The following HEXD variants were observed in gnomAD, a reference collection of about 807,000 sequenced individuals.
HEXD encodes the protein hexosaminidase D, also known as N-acetyl-beta-galactosaminidase.
A neutral mutation model predicts 54.2 loss-of-function variants in HEXD; 47 were observed. That is an observed-to-expected ratio of 0.87 (90% confidence interval 0.69 to 1.11). The LOEUF is 1.11. Among genes scored for constraint, HEXD ranks in the 50% least tolerant of loss-of-function variants. The pLI is 0.00. For synonymous variants in HEXD, 293 were observed against 287.6 expected, an observed-to-expected ratio of 1.02 and a Z score of -0.19; for missense variants, 576 against 649.2, an observed-to-expected ratio of 0.89 and a Z score of 1.23.
At chr17:82,438,075 A>G (rs2053823853) in intron 8 of HEXD, among the ~76,000 whole-genome samples, 1 of 152,048 alleles carries the variant, frequency 6.6e-6, no homozygotes, top group Non-Finnish European at 1.5e-5. Flanking sequence ...CATCTCTACT[A>G]AAGACACAAA....
chr17:82,431,843 AT>A (rs2053585406), intron 4 of HEXD, among the ~76,000 whole-genome samples: 1 of 152,148 alleles, frequency 6.6e-6, no homozygotes, highest in Non-Finnish European at 1.5e-5. Flanking sequence ...ACATCTCAAA[AT>A]TTTTGGTTGA....
intron 2 of HEXD, among the ~76,000 whole-genome samples, chr17:82,420,640 T>A (rs919698802): frequency 2.0e-5 from 3 of 152,204 alleles, no homozygotes; most frequent in African/African-American, 7.2e-5. Flanking sequence ...CAGTCTCGGC[T>A]TACTGCAACC....
rs1423789267 is a variant in HEXD, at chr17:82,425,122, GAGGCCAGAGA to G, written c.194+624_194+633del. Among the ~76,000 whole-genome samples the G allele has an allele frequency of 1.6e-4, 18 of 113,218 alleles. 1 individual carries two copies. In the South Asian group the frequency reaches 4.2e-3, roughly 27 times the overall value. 74.3% of individuals were successfully genotyped at this position (113,218 alleles called of 152,430 possible). On this transcript the variant is annotated intron_variant, in intron 3 of 12. Coordinates refer to ENST00000327949, the MANE Select transcript of HEXD (RefSeq NM_001330542.2). ...TAGAGAAGGCCGGAGGAGGCTGGAG[GAGGCCAGAGA>G]AGGCTGGAGAAGGCTGGAGGAGGCT...
intron 3 of HEXD, chr17:82,426,218 C>T (rs575461153): frequency 1.5e-4 from 23 of 152,420 alleles, no homozygotes; most frequent in African/African-American, 5.5e-4. Flanking sequence ...AGTAGGGCTT[C>T]TGCCTGGGAA....
intron 2 of HEXD, among the ~76,000 whole-genome samples, chr17:82,420,660 C>T (rs1189501242): frequency 3.9e-5 from 6 of 152,192 alleles, no homozygotes; most frequent in African/African-American, 9.7e-5. Flanking sequence ...CTCCACCTCC[C>T]GGGTTCAAGC....
At chr17:82,437,023 A>G (rs1233254517) in intron 7 of HEXD, 145 bp from the exon 8 acceptor site, 13 of 762,848 alleles carry the variant, frequency 1.7e-5, no homozygotes, top group South Asian at 1.7e-5. Context: ...GGCCGCATAC[A>G]CTCTGGAGTC....
Position 82,429,215 on chromosome 17 carries a change from G to A in HEXD, c.282+570G>A, listed in dbSNP as rs142734397. On this transcript the variant is annotated intron_variant, in intron 4 of 12. Transcript: ENST00000327949. Reference sequence around the variant, plus strand: ...GCAGAGGTTGCCATGAGCCAAGATCGCACCACTGCACTCCAGCCTGGGTGA... The same window carrying A: ...GCAGAGGTTGCCATGAGCCAAGATCACACCACTGCACTCCAGCCTGGGTGA... Among the ~76,000 whole-genome samples, 326 of 152,144 alleles carry A rather than the reference G, an allele frequency of 2.1e-3. 4 individuals carry two copies. The highest frequency in any genetic ancestry group is 4.6e-3 in the East Asian group (24 of 5,176).
chr17:82,440,085 C>T (rs1383309429), intron 9 of HEXD: 1 of 1,299,756 alleles, frequency 7.7e-7, no homozygotes, highest in Admixed American at 2.3e-5. Flanking sequence ...CTGGAAGGCC[C>T]CGCACCCTGG....
chr17:82,440,283 C>A, intron 9 of HEXD: 1 of 1,281,744 alleles, frequency 7.8e-7, no homozygotes, highest in South Asian at 1.2e-5. Context: ...GGCCGAGACG[C>A]GCGGAGAGCG....
In HEXD at chr17:82,442,251, T is replaced by C; in HGVS notation, c.1328T>C (p.Val443Ala). The change falls in exon 13 of 13, where the codon GTG becomes GCG. Residue 443 changes from valine to alanine, a missense_variant. Val to Ala is a moderately conservative substitution (Grantham distance 64). Transcript: ENST00000327949. The surrounding 1 kb of genome is among the most constrained non-coding windows in gnomAD (Gnocchi z 6.8). ...CAGCTGGCTTTCTACCCGGATGCCG[T>C]GGAGGAGTGGCTGGAGGAAAACGTG... Reference protein sequence around the residue: ...ALQLAFYPDAVEEWLEENVHP... With the variant: ...ALQLAFYPDAAEEWLEENVHP... 1 of 1,606,542 alleles carries C rather than the reference T, an allele frequency of 6.2e-7. No individual in the cohort carries two copies. Among genetic ancestry groups the C allele is most frequent in the Non-Finnish European group, 8.5e-7 (1 of 1,179,896 alleles).
In HEXD at chr17:82,418,408, C is replaced by T; in HGVS notation, c.-384C>T. Reference sequence around the variant, plus strand: ...GCGCGCGCCCTTCCCCTCCTCACCGCTACCTGCTCCGGTTCCGGCGCTCGG... The same window carrying T: ...GCGCGCGCCCTTCCCCTCCTCACCGTTACCTGCTCCGGTTCCGGCGCTCGG... On this transcript the variant is annotated 5_prime_UTR_variant, in exon 1 of 13. Coordinates refer to ENST00000327949, the MANE Select transcript of HEXD (RefSeq NM_001330542.2). 6.8e-7 allele frequency: 1 copy of T among 1,478,430 alleles called. No homozygotes were observed. Among genetic ancestry groups the T allele is most frequent in the East Asian group, 3.0e-5 (1 of 33,700 alleles). 91.6% of individuals were successfully genotyped at this position (1,478,430 alleles called of 1,614,324 possible). A position where few individuals can be genotyped will look rare whatever the true frequency, so the allele number is the denominator to read the frequency against.
At chr17:82,439,944 C>A in intron 9 of HEXD, 1 of 1,507,640 alleles carries the variant, frequency 6.6e-7, no homozygotes, top group East Asian at 2.6e-5. Context: ...GAGAGTGACG[C>A]GGGAGGCACC....
Position 82,436,674 on chromosome 17 carries a change from G to T in HEXD, c.639G>T (p.Gly213=). The change falls in exon 7 of 13, where the codon GGG becomes GGT. Residue 213 remains glycine (G), a synonymous_variant. Coordinates refer to ENST00000327949, the MANE Select transcript of HEXD (RefSeq NM_001330542.2). The stretch of plus-strand genomic sequence containing the variant: ...CGTCCGCTCTGTCTGCAGCGTCCGG[G>T]GTGCCGCAGCTGGTGGAGCCGGTGC... ...DLPEDQLAAS[G]VPQLVEPVLW... 1.2e-6 allele frequency: 2 copies of T among 1,610,736 alleles called. No individual in the cohort carries two copies.
At chr17:82,422,177 A>AG (rs2053255060) in intron 2 of HEXD, among the ~76,000 whole-genome samples, 1 of 151,230 alleles carries the variant, frequency 6.6e-6, no homozygotes, top group Non-Finnish European at 1.5e-5. Flanking sequence ...AAAAAAAAAA[A>AG]AAAAGAAAAA....
At position 82,435,704 on chromosome 17, in the gene HEXD, G is replaced by A. The variant is rs370788895; in HGVS notation, c.463G>A (p.Glu155Lys). 2 of 1,612,276 alleles carry A rather than the reference G, an allele frequency of 1.2e-6. No individual in the cohort carries two copies. The highest frequency in any genetic ancestry group is 1.7e-6 in the Non-Finnish European group (2 of 1,179,358). Residue 155 changes from glutamate to lysine, a missense_variant, in exon 6 of 13, where the codon GAG becomes AAG. By Grantham distance (56) the Glu-to-Lys change is moderately conservative. Coordinates refer to ENST00000327949, the MANE Select transcript of HEXD (RefSeq NM_001330542.2). The part of the protein sequence containing the change: ...IGCDEVYYLG[E>K]GEASRRWLQQ... ...TTCCTTGCAGGTCTATTACCTCGGA[G>A]AGGGGGAGGCCTCGCGCCGGTGGCT...
chr17:82,428,698 G>C, intron 4 of HEXD, 53 bp downstream of exon 4: 1 of 1,501,882 alleles, frequency 6.7e-7, no homozygotes. Flanking sequence ...TCCAGGGGCT[G>C]CAGGCTGGGC....
intron 9 of HEXD, 45 bp from the exon 10 acceptor site, chr17:82,440,952 T>C: frequency 6.2e-7 from 1 of 1,604,410 alleles, no homozygotes; most frequent in Non-Finnish European, 8.5e-7. Context: ...CCCCCTCCCC[T>C]CCTCCAGAGG....
At chr17:82,433,128 A>ATATTT (rs71168109) in intron 4 of HEXD, among the ~76,000 whole-genome samples, 7 of 13,074 alleles carry the variant, frequency 5.4e-4, no homozygotes, top group Non-Finnish European at 7.1e-4. Flanking sequence ...ATATATATAT[A>ATATTT]TTTTTTTTTT....
chr17:82,441,249 G>A lies in HEXD; in HGVS notation c.1146G>A (p.Ala382=), dbSNP rs1314534521. 22 of 1,611,910 alleles carry A rather than the reference G, an allele frequency of 1.4e-5. No individual in the cohort carries two copies. The highest frequency in any genetic ancestry group is 6.7e-5 in the Admixed American group (4 of 59,738). ...VSLHLRSSVD[A]LLEGNRYVTG... Reference sequence around the variant, plus strand: ...TCCATCTGCGCAGCTCTGTGGATGCGCTGCTGGAGGGCAACAGGTGAGCGT... The same window carrying A: ...TCCATCTGCGCAGCTCTGTGGATGCACTGCTGGAGGGCAACAGGTGAGCGT... The change falls in exon 11 of 13, where the codon GCG becomes GCA. Residue 382 remains alanine (A), a synonymous_variant. Transcript: ENST00000327949.
Sources: gnomAD v4.1 joint callset for allele counts (sites outside exome capture counted in the v4.1 genomes callset) on GRCh38, gnomAD v4.1.1 for gene constraint, Gnocchi (gnomAD v3.1) non-coding constraint, MANE v1.5 for transcripts, NCBI Gene and HGNC (gene_info 2026-07-23, HGNC 2026-07-21) for gene names.